The following IQGAP2 variants were observed in gnomAD, a reference collection of about 807,000 sequenced individuals.
IQGAP2 encodes IQ motif containing GTPase activating protein 2, also known as ras GTPase-activating-like protein IQGAP2.
IQGAP2 carries 173 observed loss-of-function variants against 201.3 expected under a neutral mutation model. That is an observed-to-expected ratio of 0.86 (90% CI 0.76 to 0.98). The LOEUF is 0.98. Ranked by LOEUF, IQGAP2 falls within the 50% of genes least tolerant of loss-of-function variation. The pLI is 0.00. For missense variants in IQGAP2, 1,687 were observed against 1,864.8 expected, an observed-to-expected ratio of 0.90 and a Z score of 1.76; for synonymous variants, 675 against 673.9, an observed-to-expected ratio of 1.00 and a Z score of -0.03.
intron 27 of IQGAP2, among the ~76,000 whole-genome samples, chr5:76,675,311 G>T (rs941561234): frequency 6.6e-6 from 1 of 152,088 alleles, no homozygotes; most frequent in Non-Finnish European, 1.5e-5. Flanking sequence ...ACAAATTTTG[G>T]TGTGTATGGG....
rs1446764678 is a variant in IQGAP2, at chr5:76,707,923, TAA to T, written c.*612_*613del. On this transcript the variant is annotated 3_prime_UTR_variant, in exon 36 of 36. Coordinates refer to ENST00000274364, the MANE Select transcript of IQGAP2 (RefSeq NM_006633.5). ...AATGAAAGTGCACTACTGCCTCATG[TAA>T]AGACTCTTGCACGCAGAGCCTTTAA... The T allele has an allele frequency of 6.5e-6, 1 of 152,692 alleles. No individual in the cohort carries two copies. The highest frequency in any genetic ancestry group is 6.5e-5 in the Admixed American group (1 of 15,290). The allele number at this position is 152,692 out of a possible 1,614,324, so 9.5% of individuals were successfully genotyped here.
In IQGAP2 at chr5:76,658,582, T is replaced by C. The variant is rs1176022489; in HGVS notation, c.2444T>C (p.Ile815Thr). The part of the protein sequence containing the change: ...ARLREEVVTK[I>T]RANQQLEKDL... Reference sequence around the variant, plus strand: ...TTAAGGGAAGAAGTAGTGACCAAGATCAGGGCCAATCAACAGCTGGAAAAA... The same window carrying C: ...TTAAGGGAAGAAGTAGTGACCAAGACCAGGGCCAATCAACAGCTGGAAAAA... The change falls in exon 21 of 36, where the codon ATC (isoleucine) becomes ACC (threonine). Residue 815 changes from isoleucine to threonine, a missense_variant. Transcript: ENST00000274364. 1 of 1,614,040 alleles carries C rather than the reference T, an allele frequency of 6.2e-7. No individual in the cohort carries two copies. The highest frequency in any genetic ancestry group is 1.1e-5 in the South Asian group (1 of 91,048).
chr5:76,694,937 CT>C (rs1746589742), intron 31 of IQGAP2, among the ~76,000 whole-genome samples: 1 of 152,154 alleles, frequency 6.6e-6, no homozygotes, highest in African/African-American at 2.4e-5. Flanking sequence ...CTCAAAGAAA[CT>C]TTGCAAGTTT....
chr5:76,486,890 C>G (rs1191239671), intron 2 of IQGAP2, among the ~76,000 whole-genome samples: 1 of 152,200 alleles, frequency 6.6e-6, no homozygotes, highest in East Asian at 1.9e-4. Flanking sequence ...GGCACATTTT[C>G]TTACCTAGGA....
Position 76,562,478 on chromosome 5 carries a change from A to C in IQGAP2, c.229A>C (p.Lys77Gln). 6.2e-7 allele frequency: 1 copy of C among 1,614,078 alleles called. No homozygotes were observed. The highest frequency in any genetic ancestry group is 8.5e-7 in the Non-Finnish European group (1 of 1,179,912). The part of the protein sequence containing the change: ...EGLRNGVYLA[K>Q]LAKFFAPKMV... ...GCTCCGGAATGGAGTTTACCTTGCA[A>C]AGTTAGCCAAGTTCTTTGCCCCGAA... The change falls in exon 3 of 36, where the codon AAG (lysine) becomes CAG (glutamine). Residue 77 changes from lysine to glutamine, a missense_variant. By Grantham distance (53) the Lys-to-Gln change is moderately conservative. Transcript: ENST00000274364.
At chr5:76,503,578 AC>A (rs1338497366) in intron 2 of IQGAP2, among the ~76,000 whole-genome samples, 6 of 42,622 alleles carry the variant, frequency 1.4e-4, no homozygotes, top group Non-Finnish European at 2.2e-4. Context: ...CTCTCAGGTT[AC>A]TTTTTTTTTA....
At chr5:76,557,869 C>T (rs887163164) in intron 2 of IQGAP2, among the ~76,000 whole-genome samples, 10 of 152,100 alleles carry the variant, frequency 6.6e-5, no homozygotes, top group African/African-American at 2.4e-4. Context: ...TGGAGTGGTG[C>T]GATCTTGGCT....
In IQGAP2 at chr5:76,529,695, T is replaced by C. The variant is rs567897990; in HGVS notation, c.147-32701T>C. ...ATAATAATGGTTATTTTTAAAGTAA[T>C]ATTTAATGTGAAATTCATAAGACTT... On this transcript the variant is annotated intron_variant, in intron 2 of 35. Coordinates refer to ENST00000274364, the MANE Select transcript of IQGAP2 (RefSeq NM_006633.5). Among the ~76,000 whole-genome samples, 5 of 150,436 alleles carry C rather than the reference T, an allele frequency of 3.3e-5. No homozygotes were observed. The East Asian group carries it at 7.8e-4, about 23-fold the overall frequency.
At chr5:76,499,248 C>T (rs1262545461) in intron 2 of IQGAP2, among the ~76,000 whole-genome samples, 1 of 152,220 alleles carries the variant, frequency 6.6e-6, no homozygotes, top group African/African-American at 2.4e-5. Context: ...CTGCCATAAA[C>T]TTGGTTGTCT....
At chr5:76,435,959 G>A in intron 1 of IQGAP2, among the ~76,000 whole-genome samples, 1 of 147,378 alleles carries the variant, frequency 6.8e-6, no homozygotes, top group East Asian at 1.9e-4. Flanking sequence ...TTTGTTTTTT[G>A]TTTTGGTTTT....
intron 20 of IQGAP2, among the ~76,000 whole-genome samples, chr5:76,656,270 A>T (rs761718620): frequency 7.3e-5 from 11 of 151,390 alleles, no homozygotes; most frequent in Non-Finnish European, 1.2e-4. Flanking sequence ...TCGCCCAGGC[A>T]GGACTGCAGT....
intron 2 of IQGAP2, among the ~76,000 whole-genome samples, chr5:76,558,932 G>A (rs892915455): frequency 5.9e-5 from 9 of 151,400 alleles, no homozygotes; most frequent in Non-Finnish European, 1.3e-4. Flanking sequence ...ACGGAGTCTC[G>A]CTCTGTCGCC....
chr5:76,674,109 G>C (rs1043049504), intron 26 of IQGAP2, 73 bp downstream of exon 26: 1 of 834,244 alleles, frequency 1.2e-6, no homozygotes, highest in African/African-American at 1.7e-5. Context: ...ATATAACTTT[G>C]TAAGATTATT....
At chr5:76,525,891 A>C (rs542414676) in intron 2 of IQGAP2, among the ~76,000 whole-genome samples, 2 of 152,362 alleles carry the variant, frequency 1.3e-5, no homozygotes, top group South Asian at 4.1e-4. Context: ...CTGTGAAGTG[A>C]TATAAAAATA....
chr5:76,648,489 A>T (rs543865714), intron 17 of IQGAP2, among the ~76,000 whole-genome samples: 1 of 152,232 alleles, frequency 6.6e-6, no homozygotes, highest in Non-Finnish European at 1.5e-5. Flanking sequence ...TTGCAATCAC[A>T]ACAATCACTT....
intron 2 of IQGAP2, among the ~76,000 whole-genome samples, chr5:76,552,571 C>G (rs1049779192): frequency 5.9e-5 from 9 of 152,230 alleles, no homozygotes; most frequent in African/African-American, 1.9e-4. Flanking sequence ...AAGGTTGTCA[C>G]TTACAAGCTC....
chr5:76,443,516 T>C (rs557840005), intron 1 of IQGAP2, among the ~76,000 whole-genome samples: 1 of 150,910 alleles, frequency 6.6e-6, no homozygotes, highest in South Asian at 2.1e-4. Flanking sequence ...GACAGAATGG[T>C]ATATTAAGAG....
At chr5:76,575,608 A>G (rs1447718425) in intron 4 of IQGAP2, 85 bp from the exon 5 acceptor site, 5 of 701,330 alleles carry the variant, frequency 7.1e-6, no homozygotes, top group Admixed American at 2.8e-5. Flanking sequence ...GATAGCAAGG[A>G]CAATCAAAAT....
intron 2 of IQGAP2, among the ~76,000 whole-genome samples, chr5:76,540,606 G>A (rs1742696957): frequency 6.6e-6 from 1 of 152,220 alleles, no homozygotes; most frequent in Admixed American, 6.5e-5. Context: ...AAAGGAGAGG[G>A]TACCATGAAC....
Sources: allele counts gnomAD v4.1 joint callset (sites outside exome capture counted in the v4.1 genomes callset), GRCh38; gene constraint gnomAD v4.1.1; transcripts MANE v1.5; gene names NCBI Gene and HGNC (gene_info 2026-07-23, HGNC 2026-07-21).